The following NUBPL variants were observed in gnomAD, a reference collection of about 807,000 sequenced individuals.
NUBPL encodes the protein iron-sulfur cluster transfer protein NUBPL.
A neutral mutation model predicts 45.7 loss-of-function variants in NUBPL; 31 were observed. The observed-to-expected ratio is 0.68, with a 90% confidence interval of 0.51 to 0.92. The LOEUF is 0.92. Among genes scored for constraint, NUBPL ranks in the 40% least tolerant of loss-of-function variants. The probability of loss-of-function intolerance (pLI) is 0.00; values close to 1 mark genes in which losing one functional copy is unlikely to be tolerated. For synonymous variants in NUBPL, 144 were observed against 140.9 expected (o/e 1.02, Z -0.15); for missense variants, 401 against 398.7 (o/e 1.01, Z -0.05).
intron 8 of NUBPL, among the ~76,000 whole-genome samples, chr14:31,834,781 G>A (rs557904121): frequency 1.3e-5 from 2 of 152,248 alleles, no homozygotes; most frequent in South Asian, 4.1e-4. Context: ...AGGAAATGTG[G>A]TTGAGAGAGG....
At chr14:31,793,842 T>TTTTTTA (rs2039431258) in intron 7 of NUBPL, among the ~76,000 whole-genome samples, 1 of 125,056 alleles carries the variant, frequency 8.0e-6, no homozygotes, top group African/African-American at 4.4e-5. Flanking sequence ...TTTTTTTTTA[T>TTTTTTA]TTTTTTTTTT....
chr14:31,834,382 T>C (rs181944026), intron 8 of NUBPL, among the ~76,000 whole-genome samples: 2 of 152,182 alleles, frequency 1.3e-5, no homozygotes, highest in East Asian at 3.9e-4. Context: ...GGTTTCACCG[T>C]GTTAGCCAGG....
At chr14:31,841,917 C>CTTTTGTTTTTGTTTTTGTTTTTTTT in intron 8 of NUBPL, among the ~76,000 whole-genome samples, 1 of 43,036 alleles carries the variant, frequency 2.3e-5, no homozygotes, top group Non-Finnish European at 4.3e-5. Context: ...CGATTCTGGG[C>CTTTTGTTTTTGTTTTTGTTTTTTTT]TTTTTTTTTT....
chr14:31,639,691 G>A (rs960628862), intron 4 of NUBPL, among the ~76,000 whole-genome samples: 2 of 152,226 alleles, frequency 1.3e-5, no homozygotes, highest in Non-Finnish European at 2.9e-5. Context: ...CAGAGATGGA[G>A]CCTACAGAGG....
intron 6 of NUBPL, among the ~76,000 whole-genome samples, chr14:31,719,035 C>T (rs942170597): frequency 6.6e-6 from 1 of 152,156 alleles, no homozygotes. Context: ...CCAAAAATCA[C>T]AGCTTAGCCT....
chr14:31,857,683 C>A (rs574741457), intron 10 of NUBPL, among the ~76,000 whole-genome samples: 1 of 152,146 alleles, frequency 6.6e-6, no homozygotes, highest in Non-Finnish European at 1.5e-5. Context: ...GACAAAATGC[C>A]GCCAGTCTCT....
At chr14:31,562,373 A>C (rs1477708969) in intron 2 of NUBPL, among the ~76,000 whole-genome samples, 158 bp downstream of exon 2, 1 of 152,118 alleles carries the variant, frequency 6.6e-6, no homozygotes, top group Non-Finnish European at 1.5e-5. Context: ...AGACGCTTAG[A>C]TTTTGGAGTT....
chr14:31,668,742 G>C (rs1019006810), intron 4 of NUBPL, among the ~76,000 whole-genome samples: 16 of 152,328 alleles, frequency 1.1e-4, no homozygotes, highest in South Asian at 6.2e-4. Flanking sequence ...GAAAAGCCTA[G>C]TAGCTGAGCC....
rs1184948122 is a variant in NUBPL, at chr14:31,767,847, A to G, written c.514-19933A>G. Among the ~76,000 whole-genome samples, 3 of 152,198 alleles carry G rather than the reference A, an allele frequency of 2.0e-5. No individual in the cohort carries two copies. In the East Asian group the frequency reaches 5.8e-4, roughly 29 times the overall value. ...AGCCATGATGGTGCCACTGCACTCC[A>G]GCCTGGGCAAGAGTGAGAACATGTC... On this transcript the variant is annotated intron_variant, in intron 6 of 10. Coordinates refer to ENST00000281081, the MANE Select transcript of NUBPL (RefSeq NM_025152.3).
chr14:31,680,057 CAT>C (rs1453111389), intron 6 of NUBPL, among the ~76,000 whole-genome samples: 1 of 152,050 alleles, frequency 6.6e-6, no homozygotes, highest in African/African-American at 2.4e-5. Flanking sequence ...TGTACAGAAA[CAT>C]ATACTACTGA....
intron 2 of NUBPL, among the ~76,000 whole-genome samples, chr14:31,564,630 T>A (rs2033387901): frequency 1.3e-5 from 2 of 152,224 alleles, no homozygotes; most frequent in African/African-American, 4.8e-5. Flanking sequence ...GTACATTTTT[T>A]AAAATAAAAA....
rs189661508 is a variant in NUBPL, at chr14:31,622,062, G to A, written c.382+22683G>A. ...CTGAGGTGGTCTTAGATGGAGATGAGGAACTTCTTGGGAATTGGAGTAAAG... is the reference window on the plus strand; with the variant it reads ...CTGAGGTGGTCTTAGATGGAGATGAAGAACTTCTTGGGAATTGGAGTAAAG... On this transcript the variant is annotated intron_variant, in intron 4 of 10. Transcript: ENST00000281081. 1.6e-4 allele frequency among the ~76,000 whole-genome samples: 24 copies of A among 152,254 alleles called. No individual in the cohort carries two copies. In the East Asian group the frequency reaches 2.9e-3, roughly 18 times the overall value.
At chr14:31,757,133 G>C (rs2038684687) in intron 6 of NUBPL, among the ~76,000 whole-genome samples, 2 of 147,760 alleles carry the variant, frequency 1.4e-5, no homozygotes, top group Non-Finnish European at 3.0e-5. Flanking sequence ...TTGCATCAAT[G>C]TTCATCAAGG....
At chr14:31,589,332 T>G (rs924036983) in intron 3 of NUBPL, among the ~76,000 whole-genome samples, 1 of 152,186 alleles carries the variant, frequency 6.6e-6, no homozygotes, top group African/African-American at 2.4e-5. Context: ...ATTTCACTCA[T>G]GATTTAGATG....
intron 7 of NUBPL, among the ~76,000 whole-genome samples, chr14:31,799,254 TA>T (rs1158605376): frequency 3.3e-5 from 5 of 152,266 alleles, no homozygotes; most frequent in African/African-American, 9.6e-5. Flanking sequence ...AATCCTTTTT[TA>T]TAGTGTACAT....
chr14:31,739,343 CCAGAGTG>C (rs1441842788), intron 6 of NUBPL, among the ~76,000 whole-genome samples: 1 of 150,940 alleles, frequency 6.6e-6, no homozygotes, highest in Non-Finnish European at 1.5e-5. Context: ...CCTTGGCCTC[CCAGAGTG>C]CTGGGATTAC....
intron 4 of NUBPL, among the ~76,000 whole-genome samples, chr14:31,621,655 A>G (rs2139634493): frequency 6.6e-6 from 1 of 152,198 alleles, no homozygotes; most frequent in South Asian, 2.1e-4. Context: ...TGAACTGGGT[A>G]CCTCAGTTGG....
At chr14:31,817,971 C>A (rs1275975707) in intron 7 of NUBPL, among the ~76,000 whole-genome samples, 3 of 151,688 alleles carry the variant, frequency 2.0e-5, no homozygotes, top group Non-Finnish European at 4.4e-5. Flanking sequence ...GGAATACTTA[C>A]CAAGCAAATA....
intron 6 of NUBPL, among the ~76,000 whole-genome samples, chr14:31,757,900 T>C (rs2038706674): frequency 6.6e-6 from 1 of 152,054 alleles, no homozygotes; most frequent in Non-Finnish European, 1.5e-5. Context: ...TTTTCTTCCC[T>C]TTTTTTCAGA....
Sources: gnomAD v4.1 joint callset for allele counts (sites outside exome capture counted in the v4.1 genomes callset) on GRCh38, gnomAD v4.1.1 for gene constraint, MANE v1.5 for transcripts, NCBI Gene and HGNC (gene_info 2026-07-23, HGNC 2026-07-21) for gene names.